CTNNA3: variants seen among roughly 807,000 people sequenced by gnomAD.
CTNNA3 encodes the protein catenin alpha-3.
Under a neutral mutation model 95.7 loss-of-function variants are expected in CTNNA3, and 76 were observed. The observed-to-expected ratio is 0.79, with a 90% CI of 0.66 to 0.96. The LOEUF is 0.96. Among genes scored for constraint, CTNNA3 ranks in the 40% least tolerant of loss-of-function variants. The probability of loss-of-function intolerance (pLI) is 0.00; values close to 1 mark genes in which losing one functional copy is unlikely to be tolerated. For synonymous variants in CTNNA3, 431 were observed against 374.4 expected, an observed-to-expected ratio of 1.15 and a Z score of -1.74; for missense variants, 1,191 against 1,089.8, an observed-to-expected ratio of 1.09 and a Z score of -1.31.
intron 3 of CTNNA3, among the ~76,000 whole-genome samples, chr10:67,566,039 G>GTATATA (rs1437054675): frequency 1.5e-4 from 3 of 19,892 alleles, no homozygotes; most frequent in Non-Finnish European, 2.4e-4. Context: ...ACATATGTGT[G>GTATATA]TGTGTATATA....
intron 1 of CTNNA3, among the ~76,000 whole-genome samples, chr10:67,742,679 C>CA (rs201916645): frequency 0.13 from 19,042 of 150,802 alleles, 1,842 homozygotes; most frequent in Non-Finnish European, 0.16. Flanking sequence ...AATAGAGACA[C>CA]AAAAAACCCT....
chr10:67,473,654 A>T (rs1031537122), intron 5 of CTNNA3, among the ~76,000 whole-genome samples: 1 of 152,164 alleles, frequency 6.6e-6, no homozygotes, highest in Non-Finnish European at 1.5e-5. Flanking sequence ...AAATCCACAG[A>T]CTGAACCAAC....
intron 1 of CTNNA3, among the ~76,000 whole-genome samples, chr10:67,670,134 G>C (rs1840404106): frequency 6.6e-6 from 1 of 152,192 alleles, no homozygotes; most frequent in African/African-American, 2.4e-5. Flanking sequence ...CATAAGACTT[G>C]TGGAGTTGTG....
intron 9 of CTNNA3, among the ~76,000 whole-genome samples, chr10:66,644,624 C>T (rs10997283): frequency 0.078 from 11,818 of 151,690 alleles, 842 homozygotes; most frequent in East Asian, 0.24. Context: ...ACTTTATCCC[C>T]GTCTTACAAA....
At chr10:66,420,570 A>G (rs1226569950) in intron 11 of CTNNA3, among the ~76,000 whole-genome samples, 1 of 151,936 alleles carries the variant, frequency 6.6e-6, no homozygotes, top group East Asian at 1.9e-4. Context: ...GGAATCTGAG[A>G]CGGGCAGGTC....
chr10:67,285,445 G>A (rs376532801), intron 5 of CTNNA3, among the ~76,000 whole-genome samples: 4 of 152,270 alleles, frequency 2.6e-5, no homozygotes, highest in Admixed American at 6.5e-5. Context: ...ATCAGGCACT[G>A]GGCTAGACAC....
chr10:67,155,376 T>C (rs1861263828), intron 7 of CTNNA3, among the ~76,000 whole-genome samples: 1 of 152,214 alleles, frequency 6.6e-6, no homozygotes, highest in Non-Finnish European at 1.5e-5. Flanking sequence ...ACTTAGAGAA[T>C]TGTTGTAATG....
chr10:66,360,004 T>C lies in CTNNA3; in HGVS notation c.1732+19148A>G, dbSNP rs891475830. ...ACCACACCTGGCTAATTTTTTTTTG[T>C]TTTTAGTAGAGACGGGGTTTCAGCA... On this transcript the variant is annotated intron_variant, in intron 12 of 17. Transcript: ENST00000433211. 7.9e-5 allele frequency among the ~76,000 whole-genome samples: 12 copies of C among 151,978 alleles called. No homozygotes were observed. The East Asian group carries it at 2.3e-3, about 30-fold the overall frequency.
intron 7 of CTNNA3, among the ~76,000 whole-genome samples, chr10:66,930,619 T>A (rs1444352303): frequency 1.3e-5 from 2 of 152,162 alleles, no homozygotes; most frequent in Admixed American, 1.3e-4. Context: ...ATACTTATAT[T>A]TTTGAATTAT....
intron 11 of CTNNA3, among the ~76,000 whole-genome samples, chr10:66,400,605 T>C (rs1278875548): frequency 6.6e-6 from 1 of 152,158 alleles, no homozygotes; most frequent in African/African-American, 2.4e-5. Flanking sequence ...ATGTCAATTC[T>C]ATAACTGCAT....
chr10:67,741,916 T>C (rs1841342008), intron 1 of CTNNA3, among the ~76,000 whole-genome samples: 1 of 151,232 alleles, frequency 6.6e-6, no homozygotes, highest in Non-Finnish European at 1.5e-5. Context: ...AGAAGGCCAT[T>C]ACATAATGGT....
At chr10:66,560,616 A>G (rs1842523942) in intron 10 of CTNNA3, among the ~76,000 whole-genome samples, 1 of 152,046 alleles carries the variant, frequency 6.6e-6, no homozygotes, top group Non-Finnish European at 1.5e-5. Context: ...CTAAATGGAT[A>G]TTAGTTTATG....
At chr10:67,405,238 A>G (rs1269202394) in intron 5 of CTNNA3, among the ~76,000 whole-genome samples, 2 of 152,158 alleles carry the variant, frequency 1.3e-5, no homozygotes, top group Non-Finnish European at 2.9e-5. Context: ...CAATTAAAAG[A>G]CACAGAGTAA....
chr10:66,023,997 CAGAT>C (rs1273277857), intron 15 of CTNNA3, among the ~76,000 whole-genome samples: 1 of 151,610 alleles, frequency 6.6e-6, no homozygotes, highest in African/African-American at 2.4e-5. Flanking sequence ...AAACTAGAGT[CAGAT>C]AGCTTCTTGT....
At chr10:66,083,622 T>G (rs377536723) in intron 14 of CTNNA3, among the ~76,000 whole-genome samples, 1 of 152,306 alleles carries the variant, frequency 6.6e-6, no homozygotes, top group South Asian at 2.1e-4. Context: ...GATATGGTCT[T>G]GGTAAAGAGG....
At position 67,635,159 on chromosome 10, in the gene CTNNA3, T is replaced by C. The variant is rs190803488; in HGVS notation, c.99+12256A>G. ...GCCTGAATAGACCAATAATGAGTTC[T>C]GAAATTGAGGCAGCAATAAATAGCC... On this transcript the variant is annotated intron_variant, in intron 2 of 17. Coordinates refer to ENST00000433211, the MANE Select transcript of CTNNA3 (RefSeq NM_013266.4). Among the ~76,000 whole-genome samples the C allele has an allele frequency of 9.9e-3, 1,512 of 152,192 alleles. 30 individuals are homozygous for C. Among genetic ancestry groups the C allele is most frequent in the African/African-American group, 0.035 (1,441 of 41,524 alleles).
intron 14 of CTNNA3, among the ~76,000 whole-genome samples, chr10:66,081,082 A>C (rs1440183972): frequency 1.3e-5 from 2 of 152,174 alleles, no homozygotes; most frequent in Non-Finnish European, 2.9e-5. Context: ...CATCAAGACA[A>C]GGAGAAATTT....
At position 66,690,237 on chromosome 10, in the gene CTNNA3, C is replaced by T. The variant is rs536987417; in HGVS notation, c.1282-68453G>A. Among the ~76,000 whole-genome samples, 7 of 152,106 alleles carry T rather than the reference C, an allele frequency of 4.6e-5. No individual in the cohort carries two copies. In the East Asian group the frequency reaches 7.7e-4, roughly 17 times the overall value. On this transcript the variant is annotated intron_variant, in intron 9 of 17. Coordinates refer to ENST00000433211, the MANE Select transcript of CTNNA3 (RefSeq NM_013266.4). ...ATAGATCATGGGAAGGACTTGGGTG[C>T]AGACTGAATTCTAATATAATTTTAT...
At chr10:66,202,518 G>A (rs928971247) in intron 13 of CTNNA3, among the ~76,000 whole-genome samples, 3 of 152,220 alleles carry the variant, frequency 2.0e-5, no homozygotes, top group Non-Finnish European at 4.4e-5. Context: ...ACTCTGGTTC[G>A]GTAGGCTGCC....
Sources: allele counts gnomAD v4.1 joint callset (sites outside exome capture counted in the v4.1 genomes callset), GRCh38; gene constraint gnomAD v4.1.1; transcripts MANE v1.5; gene names NCBI Gene and HGNC (gene_info 2026-07-23, HGNC 2026-07-21).